Variants in AP2A2 observed in about 807,000 individuals in gnomAD.
The protein encoded by AP2A2 is AP-2 complex subunit alpha-2.
Under a neutral mutation model 104.2 loss-of-function variants are expected in AP2A2, and 32 were observed. The observed-to-expected ratio is 0.31, with a 90% CI of 0.23 to 0.41. AP2A2 has a LOEUF of 0.41. Among genes scored for constraint, AP2A2 ranks in the 10% least tolerant of loss-of-function variants. The pLI is 1.00. For missense variants in AP2A2, 912 were observed against 1,261.0 expected, an observed-to-expected ratio of 0.72 and a Z score of 4.19; for synonymous variants, 539 against 533.3, an observed-to-expected ratio of 1.01 and a Z score of -0.15.
chr11:1,001,691 G>A (rs1002136546), intron 15 of AP2A2, among the ~76,000 whole-genome samples: 1 of 152,096 alleles, frequency 6.6e-6, no homozygotes, highest in Non-Finnish European at 1.5e-5. Flanking sequence ...GCAGGGCTCT[G>A]GTGGTGGCTG....
chr11:945,345 A>T (rs760831481), intron 1 of AP2A2, among the ~76,000 whole-genome samples: 3 of 151,970 alleles, frequency 2.0e-5, no homozygotes, highest in South Asian at 4.2e-4. Context: ...ATTTTTAAAA[A>T]TTTTTTTGAG....
In AP2A2 at chr11:993,715, G is replaced by T; in HGVS notation, c.1551-39G>T. On this transcript the variant is annotated intron_variant, in intron 12 of 21. Transcript: ENST00000448903. This position sits in a 1 kb window ranked among gnomAD's most constrained non-coding sequence, Gnocchi z 8.2. ...CGGGGGCGTGCTGCAGCCTGCGAGGGGACGACGGTGTCCCTGTGTTGTGCC... is the reference window on the plus strand; with the variant it reads ...CGGGGGCGTGCTGCAGCCTGCGAGGTGACGACGGTGTCCCTGTGTTGTGCC... 6.7e-7 allele frequency: 1 copy of T among 1,499,682 alleles called. No individual in the cohort carries two copies. 92.9% of individuals were successfully genotyped at this position (1,499,682 alleles called of 1,614,324 possible).
chr11:935,724 A>G (rs953984667), intron 1 of AP2A2, among the ~76,000 whole-genome samples: 1 of 147,604 alleles, frequency 6.8e-6, no homozygotes, highest in Admixed American at 6.9e-5. Context: ...TCTCTGTCTC[A>G]GCGTCCTGAG....
chr11:1,010,172 A>G (rs550436110), intron 21 of AP2A2: 46 of 466,740 alleles, frequency 9.9e-5, no homozygotes, highest in Admixed American at 3.5e-4. Flanking sequence ...CCTCTCTGTC[A>G]CCGCGTTGTT....
At chr11:996,821 A>T (rs1025164013) in intron 14 of AP2A2, among the ~76,000 whole-genome samples, 1 of 135,700 alleles carries the variant, frequency 7.4e-6, no homozygotes, top group Non-Finnish European at 1.6e-5. Flanking sequence ...TGGCCGAGGC[A>T]CGCAGCTCTG....
At chr11:944,178 A>T (rs1853754861) in intron 1 of AP2A2, among the ~76,000 whole-genome samples, 1 of 152,210 alleles carries the variant, frequency 6.6e-6, no homozygotes, top group South Asian at 2.1e-4. Flanking sequence ...GAAGGAGAGG[A>T]TGCTGTAGAG....
chr11:1,010,909 AG>A lies in AP2A2; in HGVS notation c.*287del. 1 of 677,058 alleles carries A rather than the reference AG, an allele frequency of 1.5e-6. No individual in the cohort carries two copies. The highest frequency in any genetic ancestry group is 2.2e-5 in the Admixed American group (1 of 45,626). The allele number at this position is 677,058 out of a possible 1,614,324, so 41.9% of individuals were successfully genotyped here. ...TTCTGTGGTTAAATCTACAAATTAA[AG>A]GGAAATTAGAAGTTGGCGTGAACGT... On this transcript the variant is annotated 3_prime_UTR_variant, in exon 22 of 22. Coordinates refer to ENST00000448903, the MANE Select transcript of AP2A2 (RefSeq NM_012305.4).
At chr11:934,818 T>C (rs1221943630) in intron 1 of AP2A2, among the ~76,000 whole-genome samples, 3 of 152,156 alleles carry the variant, frequency 2.0e-5, no homozygotes, top group African/African-American at 7.2e-5. Flanking sequence ...CCTTTGTGTT[T>C]CATGTAATGT....
chr11:945,269 A>G (rs1014570448), intron 1 of AP2A2, among the ~76,000 whole-genome samples: 1 of 152,178 alleles, frequency 6.6e-6, no homozygotes, highest in Non-Finnish European at 1.5e-5. Context: ...AGCCAAAACC[A>G]GATGGTAGGA....
At chr11:951,307 A>G (rs1348950971) in intron 1 of AP2A2, among the ~76,000 whole-genome samples, 1 of 152,206 alleles carries the variant, frequency 6.6e-6, no homozygotes, top group Admixed American at 6.5e-5. Flanking sequence ...TGGGTGGATC[A>G]CCTGAGGTCA....
At chr11:964,691 A>C (rs898848632) in intron 2 of AP2A2, among the ~76,000 whole-genome samples, 3 of 152,188 alleles carry the variant, frequency 2.0e-5, no homozygotes, top group African/African-American at 7.2e-5. Flanking sequence ...AACAACAACA[A>C]CAACAAAAAT....
chr11:933,158 C>T (rs1217737604), intron 1 of AP2A2, among the ~76,000 whole-genome samples: 1 of 152,112 alleles, frequency 6.6e-6, no homozygotes, highest in Non-Finnish European at 1.5e-5. Context: ...ATCCCAGGTA[C>T]TTGGGAGGCT....
chr11:1,008,553 T>C (rs575167489), intron 18 of AP2A2: 1 of 199,048 alleles, frequency 5.0e-6, no homozygotes, highest in South Asian at 1.3e-4. Flanking sequence ...CGTACCACTT[T>C]GCTTATTTTT....
intron 2 of AP2A2, among the ~76,000 whole-genome samples, chr11:961,797 CAG>C (rs1411233389): frequency 5.0e-4 from 66 of 132,484 alleles, no homozygotes; most frequent in African/African-American, 1.9e-3. Flanking sequence ...GTGGGTCTGA[CAG>C]AGTCGCCGCC....
chr11:938,194 C>T (rs570083640), intron 1 of AP2A2, among the ~76,000 whole-genome samples: 2 of 152,310 alleles, frequency 1.3e-5, no homozygotes, highest in Admixed American at 6.5e-5. Context: ...CGGCTGGTGC[C>T]GCACGAAGGC....
rs755436128 is a variant in AP2A2 at position 981,203 on chromosome 11, G to A, written c.609G>A (p.Val203=). 1.7e-5 allele frequency: 27 copies of A among 1,611,262 alleles called. 1 individual carries two copies. In the South Asian group the frequency reaches 3.0e-4, roughly 18 times the overall value. ...VHLLNDQHLG[V]VTAATSLITT... ...GTGTGTGTGTTTTCTTTCAGGGTGT[G>A]GTAACTGCAGCCACAAGTCTGATCA... The change falls in exon 6 of 22, where the codon GTG becomes GTA. Residue 203 remains valine (V), a synonymous_variant. Coordinates refer to ENST00000448903, the MANE Select transcript of AP2A2 (RefSeq NM_012305.4).
Position 986,930 on chromosome 11 carries a change from G to A in AP2A2, c.1108G>A (p.Glu370Lys). The A allele has an allele frequency of 1.9e-6, 3 of 1,594,194 alleles. No individual in the cohort carries two copies. The highest frequency in any genetic ancestry group is 1.1e-5 in the South Asian group (1 of 87,528). The change falls in exon 9 of 22, where the codon GAG becomes AAG. Residue 370 changes from glutamate (E) to lysine (K), a missense_variant. By Grantham distance (56) the Glu-to-Lys change is moderately conservative (BLOSUM62 1). This residue lies in a region of AP2A2 where 350 missense variants were observed against 487.0 expected (regional missense o/e 0.72). Transcript: ENST00000448903. ...CCATGAGGCTGTCAAGACGCACATCGAGACGGTCATCAACGCCCTGAAGGC... is the reference window on the plus strand; with the variant it reads ...CCATGAGGCTGTCAAGACGCACATCAAGACGGTCATCAACGCCCTGAAGGC... ...FSHEAVKTHI[E>K]TVINALKTER...
Position 981,280 on chromosome 11 carries a change from C to A in AP2A2, c.686C>A (p.Ala229Asp). The change falls in exon 6 of 22, where the codon GCT becomes GAT. Residue 229 changes from alanine (A) to aspartate (D), a missense_variant. Ala to Asp is a moderately radical substitution (Grantham distance 126). Coordinates refer to ENST00000448903, the MANE Select transcript of AP2A2 (RefSeq NM_012305.4). The part of the protein sequence containing the change: ...PEEFKTSVSL[A>D]VSRLSRIVTS... ...GAGTTTAAAACCTCCGTGTCTCTGG[C>A]TGTCTCTAGGCTAAGCAGAGTAAGT... 1 of 1,612,884 alleles carries A rather than the reference C, an allele frequency of 6.2e-7. No homozygotes were observed. The highest frequency in any genetic ancestry group is 8.5e-7 in the Non-Finnish European group (1 of 1,179,230).
chr11:995,340 T>G, intron 14 of AP2A2: 1 of 455,868 alleles, frequency 2.2e-6, no homozygotes, highest in Non-Finnish European at 4.4e-6. Flanking sequence ...ATTTGTCAGG[T>G]GAGAAGTGTC....
Sources: gnomAD v4.1 joint callset for allele counts (sites outside exome capture counted in the v4.1 genomes callset) on GRCh38, gnomAD v4.1.1 for gene constraint, gnomAD v4.1.1 regional missense constraint, Gnocchi (gnomAD v3.1) non-coding constraint, MANE v1.5 for transcripts, NCBI Gene and HGNC (gene_info 2026-07-23, HGNC 2026-07-21) for gene names.